Variants in APBB2 observed in about 807,000 individuals in gnomAD.
The protein encoded by APBB2 is Fe65-like 1.
A neutral mutation model predicts 82.5 loss-of-function variants in APBB2; 38 were observed. The ratio of observed to expected loss-of-function variants is 0.46; its 90% confidence interval spans 0.36 to 0.60. APBB2 has a LOEUF of 0.60. APBB2 is among the 20% of genes least tolerant of loss of function. The probability of loss-of-function intolerance (pLI) is 0.00; values close to 1 mark genes in which losing one functional copy is unlikely to be tolerated. For synonymous variants in APBB2, 341 were observed against 368.2 expected (o/e 0.93, Z 0.85); for missense variants, 772 against 972.3 (o/e 0.79, Z 2.74).
At chr4:40,903,227 A>G (rs184780672) in intron 10 of APBB2, among the ~76,000 whole-genome samples, 16,504 of 151,858 alleles carry the variant, frequency 0.11, 1,278 homozygotes, top group African/African-American at 0.21. Context: ...TTGGGAGGCC[A>G]AGGCCGGTGG....
intron 1 of APBB2, among the ~76,000 whole-genome samples, chr4:41,191,852 T>C (rs1774522734): frequency 6.6e-6 from 1 of 152,128 alleles, no homozygotes; most frequent in South Asian, 2.1e-4. Context: ...CCTATGAGAC[T>C]GGGAAAAAGC....
chr4:41,041,584 T>C (rs570723399), intron 4 of APBB2, among the ~76,000 whole-genome samples: 3 of 152,338 alleles, frequency 2.0e-5, no homozygotes, highest in Non-Finnish European at 2.9e-5. Flanking sequence ...AGATCCTTAA[T>C]TTACCACTTA....
chr4:40,841,024 T>C (rs1755641726), intron 12 of APBB2, among the ~76,000 whole-genome samples: 2 of 152,160 alleles, frequency 1.3e-5, no homozygotes, highest in Non-Finnish European at 2.9e-5. Context: ...CTCAAAGTGA[T>C]TTAAAAAGTC....
At chr4:41,097,165 T>C (rs1579999848) in intron 3 of APBB2, among the ~76,000 whole-genome samples, 1 of 152,324 alleles carries the variant, frequency 6.6e-6, no homozygotes, top group East Asian at 1.9e-4. Flanking sequence ...CACAGAAATA[T>C]TGATTAAGAC....
At chr4:40,817,606 A>G (rs1252128090) in intron 17 of APBB2, among the ~76,000 whole-genome samples, 2 of 152,116 alleles carry the variant, frequency 1.3e-5, no homozygotes. Context: ...GGATTTTGGT[A>G]TACTCAGAGG....
At chr4:41,186,157 A>G (rs149009056) in intron 1 of APBB2, among the ~76,000 whole-genome samples, 42 of 152,366 alleles carry the variant, frequency 2.8e-4, no homozygotes, top group African/African-American at 9.9e-4. Context: ...TTCTGAAATT[A>G]TATCTTTCAC....
chr4:41,160,045 C>G (rs1764739355), intron 1 of APBB2, among the ~76,000 whole-genome samples: 1 of 139,916 alleles, frequency 7.1e-6, no homozygotes, highest in Non-Finnish European at 1.5e-5. Context: ...GAAAACATCA[C>G]AGGATGCTGT....
intron 10 of APBB2, among the ~76,000 whole-genome samples, chr4:40,895,062 G>A (rs542517713): frequency 6.6e-6 from 1 of 152,268 alleles, no homozygotes; most frequent in South Asian, 2.1e-4. Flanking sequence ...CCAAATGAAT[G>A]AATACAGCAA....
At chr4:41,169,433 T>C (rs182245185) in intron 1 of APBB2, among the ~76,000 whole-genome samples, 2 of 152,088 alleles carry the variant, frequency 1.3e-5, no homozygotes, top group Admixed American at 1.3e-4. Flanking sequence ...ACCTGGAAGG[T>C]TTCCTTCCTT....
At chr4:41,207,584 A>G (rs1778282514) in intron 1 of APBB2, among the ~76,000 whole-genome samples, 1 of 151,924 alleles carries the variant, frequency 6.6e-6, no homozygotes, top group Non-Finnish European at 1.5e-5. Context: ...GTTCCCTTAC[A>G]CCCTCATCTT....
At chr4:41,174,744 C>T (rs1212660320) in intron 1 of APBB2, among the ~76,000 whole-genome samples, 2 of 152,150 alleles carry the variant, frequency 1.3e-5, no homozygotes, top group Non-Finnish European at 2.9e-5. Context: ...TGAAGAACTA[C>T]GTGACCACAT....
At chr4:40,957,538 T>G (rs1791968129) in intron 6 of APBB2, among the ~76,000 whole-genome samples, 1 of 152,012 alleles carries the variant, frequency 6.6e-6, no homozygotes, top group Non-Finnish European at 1.5e-5. Context: ...CTGTTTTCTA[T>G]TTAAGACATT....
chr4:40,942,183 G>A (rs961501855), intron 7 of APBB2, among the ~76,000 whole-genome samples: 3 of 152,160 alleles, frequency 2.0e-5, no homozygotes, highest in Non-Finnish European at 4.4e-5. Flanking sequence ...TATGTAGGGG[G>A]AGAAACACGT....
At position 40,905,853 on chromosome 4, in the gene APBB2, T is replaced by C. The variant is rs79569827; in HGVS notation, c.1255-12442A>G. On this transcript the variant is annotated intron_variant, in intron 10 of 17. Transcript: ENST00000508593. ...ACTCCTCCGCACTGAGAGATCTCTT[T>C]GGTAAGGGTACGATGGTCCAGAACA... Among the ~76,000 whole-genome samples, 1,190 of 152,254 alleles carry C rather than the reference T, an allele frequency of 7.8e-3. 17 individuals are homozygous for C. Among genetic ancestry groups the C allele is most frequent in the African/African-American group, 0.027 (1,130 of 41,544 alleles).
At chr4:41,156,692 T>C (rs1241440826) in intron 1 of APBB2, among the ~76,000 whole-genome samples, 4 of 152,078 alleles carry the variant, frequency 2.6e-5, no homozygotes, top group African/African-American at 9.7e-5. Context: ...GAGAAATGGG[T>C]TCAAATCCTG....
At chr4:40,958,390 A>G (rs1792230744) in intron 6 of APBB2, among the ~76,000 whole-genome samples, 1 of 152,216 alleles carries the variant, frequency 6.6e-6, no homozygotes, top group Non-Finnish European at 1.5e-5. Context: ...CTTAATAAAA[A>G]CTTAAAATCT....
At chr4:40,963,368 T>C (rs1358557032) in intron 6 of APBB2, among the ~76,000 whole-genome samples, 1 of 152,194 alleles carries the variant, frequency 6.6e-6, no homozygotes, top group African/African-American at 2.4e-5. Context: ...CACCTCAGCT[T>C]CCTGAGTGGC....
chr4:40,893,331 G>T lies in APBB2; in HGVS notation c.1335C>A (p.Asn445Lys), dbSNP rs770855616. 1.9e-6 allele frequency: 3 copies of T among 1,613,562 alleles called. No homozygotes were observed. The highest frequency in any genetic ancestry group is 2.2e-5 in the East Asian group (1 of 44,848). ...LAPGKSSVAV[N>K]NCIRQLSYCK... The stretch of plus-strand genomic sequence containing the variant: ...AGTAGGAAAGTTGCCTGATGCAGTT[G>T]TTGACCGCAACACTACTTTTACCGG... The change falls in exon 11 of 18, where the codon AAC becomes AAA. Residue 445 changes from asparagine (N) to lysine (K), a missense_variant. Coordinates refer to ENST00000508593, the MANE Select transcript of APBB2 (RefSeq NM_004307.2).
At position 41,127,154 on chromosome 4, in the gene APBB2, T is replaced by C. The variant is rs1017317861; in HGVS notation, c.-261+15833A>G. Reference sequence around the variant, plus strand: ...GATACTACATTCTACAATGTCCCAATGACACCCTGATTTTGATTACAAAAA... The same window carrying C: ...GATACTACATTCTACAATGTCCCAACGACACCCTGATTTTGATTACAAAAA... On this transcript the variant is annotated intron_variant, in intron 2 of 17. Coordinates refer to ENST00000508593, the MANE Select transcript of APBB2 (RefSeq NM_004307.2). This position sits in a 1 kb window ranked among gnomAD's most constrained non-coding sequence, Gnocchi z 4.8. Among the ~76,000 whole-genome samples, 1 of 152,008 alleles carries C rather than the reference T, an allele frequency of 6.6e-6. No individual in the cohort carries two copies. Among genetic ancestry groups the C allele is most frequent in the Admixed American group, 6.5e-5 (1 of 15,270 alleles).
Sources: gnomAD v4.1 joint callset for allele counts (sites outside exome capture counted in the v4.1 genomes callset) on GRCh38, gnomAD v4.1.1 for gene constraint, Gnocchi (gnomAD v3.1) non-coding constraint, MANE v1.5 for transcripts, NCBI Gene and HGNC (gene_info 2026-07-23, HGNC 2026-07-21) for gene names.